Variants in PCGF5 observed in about 807,000 individuals in gnomAD.
The protein encoded by PCGF5 is polycomb group RING finger protein 5.
A neutral mutation model predicts 44.3 loss-of-function variants in PCGF5; 9 were observed. The ratio of observed to expected loss-of-function variants is 0.20; its 90% CI spans 0.12 to 0.35. The LOEUF (loss-of-function observed/expected upper bound fraction) is 0.35, where lower values mean the gene tolerates loss of function less well. Ranked by LOEUF, PCGF5 falls within the 10% of genes least tolerant of loss-of-function variation. PCGF5 has a pLI of 1.00. For missense variants in PCGF5, 146 were observed against 305.3 expected (o/e 0.48, Z 3.89); for synonymous variants, 95 against 102.5 (o/e 0.93, Z 0.44).
chr10:91,180,338 T>C (rs984342597), intron 1 of PCGF5, among the ~76,000 whole-genome samples: 1 of 152,216 alleles, frequency 6.6e-6, no homozygotes, highest in Non-Finnish European at 1.5e-5. Flanking sequence ...GTACAGAAGC[T>C]CTTTAGTTTA....
intron 9 of PCGF5, 71 bp from the exon 10 acceptor site, chr10:91,278,198 A>G: frequency 7.8e-7 from 1 of 1,283,838 alleles, no homozygotes; most frequent in African/African-American, 1.5e-5. Flanking sequence ...AATTCTTAAA[A>G]TCTTTCATAT....
intron 7 of PCGF5, 32 bp downstream of exon 7, chr10:91,261,456 T>C: frequency 7.2e-7 from 1 of 1,393,416 alleles, no homozygotes; most frequent in Non-Finnish European, 9.5e-7. Flanking sequence ...CTTGATCATT[T>C]TGATAATTCT....
At chr10:91,167,243 A>G (rs1183594087) in intron 1 of PCGF5, among the ~76,000 whole-genome samples, 1 of 152,224 alleles carries the variant, frequency 6.6e-6, no homozygotes, top group African/African-American at 2.4e-5. Flanking sequence ...CCTCTCATCC[A>G]GCTTACTATA....
chr10:91,167,926 G>C (rs1426241203), intron 1 of PCGF5, among the ~76,000 whole-genome samples: 1 of 152,220 alleles, frequency 6.6e-6, no homozygotes, highest in Non-Finnish European at 1.5e-5. Flanking sequence ...GCAATTGGAT[G>C]TAGGAGTTGA....
intron 1 of PCGF5, among the ~76,000 whole-genome samples, chr10:91,201,052 G>A (rs1844242390): frequency 6.6e-6 from 1 of 152,084 alleles, no homozygotes. Context: ...GGAGGTGATG[G>A]GGAAAGTTTT....
rs1301225682 is a variant in PCGF5 at position 91,280,850 on chromosome 10, T to C, written c.*2534T>C. 6.6e-6 allele frequency: 1 copy of C among 152,346 alleles called. No individual in the cohort carries two copies. Among genetic ancestry groups the C allele is most frequent in the East Asian group, 1.9e-4 (1 of 5,196 alleles). The allele number at this position is 152,346 out of a possible 1,614,324, so 9.4% of individuals were successfully genotyped here. A position where few individuals can be genotyped will look rare whatever the true frequency, so the allele number is the denominator to read the frequency against. On this transcript the variant is annotated 3_prime_UTR_variant, in exon 10 of 10. Coordinates refer to ENST00000336126, the MANE Select transcript of PCGF5 (RefSeq NM_032373.5). ...TAGCTTTATAAATTTAGGGTGCTTA[T>C]AAAATGATAAAATGAATTCTTTAAA...
intron 2 of PCGF5, among the ~76,000 whole-genome samples, chr10:91,234,876 A>G (rs897505497): frequency 5.3e-5 from 8 of 152,230 alleles, no homozygotes; most frequent in African/African-American, 1.9e-4. Context: ...GTCTGCCTCA[A>G]CATTATCTGG....
At chr10:91,194,637 G>A (rs964267689) in intron 1 of PCGF5, among the ~76,000 whole-genome samples, 3 of 152,180 alleles carry the variant, frequency 2.0e-5, no homozygotes, top group Non-Finnish European at 4.4e-5. Context: ...AATACACAGA[G>A]TAAGCAGTTG....
chr10:91,189,209 C>T (rs915842007), intron 1 of PCGF5, among the ~76,000 whole-genome samples: 1 of 152,182 alleles, frequency 6.6e-6, no homozygotes, highest in Non-Finnish European at 1.5e-5. Flanking sequence ...TCTTTTACAA[C>T]CCTGATTGAT....
upstream of PCGF5, among the ~76,000 whole-genome samples, chr10:91,162,786 G>T (rs1191997925): frequency 6.6e-6 from 1 of 151,020 alleles, no homozygotes; most frequent in Non-Finnish European, 1.5e-5. Flanking sequence ...CAGGGAGTGC[G>T]GGCTGTGCCC....
intron 1 of PCGF5, among the ~76,000 whole-genome samples, chr10:91,194,154 G>A (rs1844084679): frequency 6.6e-6 from 1 of 152,174 alleles, no homozygotes; most frequent in Admixed American, 6.5e-5. Flanking sequence ...CAGAATAATG[G>A]CCTCTAAAGA....
chr10:91,278,640 G>T lies in PCGF5; in HGVS notation c.*324G>T. The stretch of plus-strand genomic sequence containing the variant: ...TTGCCTGTTCCAAGATTGTTCTAAT[G>T]TTTAATTACACTAGTAAAATGGCTC... On this transcript the variant is annotated 3_prime_UTR_variant, in exon 10 of 10. Coordinates refer to ENST00000336126, the MANE Select transcript of PCGF5 (RefSeq NM_032373.5). 3.6e-6 allele frequency: 1 copy of T among 278,498 alleles called. No individual in the cohort carries two copies. 17.3% of individuals were successfully genotyped at this position (278,498 alleles called of 1,614,324 possible).
intron 5 of PCGF5, among the ~76,000 whole-genome samples, chr10:91,250,803 C>T (rs1244731123): frequency 2.0e-5 from 3 of 151,410 alleles, no homozygotes; most frequent in East Asian, 1.9e-4. Context: ...TCATTATACT[C>T]GTTTTTTTTC....
chr10:91,259,708 A>G (rs990091989), intron 6 of PCGF5, among the ~76,000 whole-genome samples: 1 of 152,216 alleles, frequency 6.6e-6, no homozygotes, highest in Non-Finnish European at 1.5e-5. Flanking sequence ...TGACAAAAAC[A>G]AGAAATGGGG....
At chr10:91,261,487 C>T in intron 7 of PCGF5, 63 bp downstream of exon 7, 1 of 1,334,652 alleles carries the variant, frequency 7.5e-7, no homozygotes, top group Middle Eastern at 2.7e-4. Context: ...AAAATTCTAA[C>T]AAAAGTGAAA....
At chr10:91,263,174 G>T (rs1264936516) in intron 7 of PCGF5, among the ~76,000 whole-genome samples, 1 of 152,178 alleles carries the variant, frequency 6.6e-6, no homozygotes, top group Non-Finnish European at 1.5e-5. Context: ...CCTGACAGCT[G>T]AAGCTTTTGT....
At chr10:91,201,859 T>C (rs1844257670) in intron 1 of PCGF5, among the ~76,000 whole-genome samples, 1 of 152,206 alleles carries the variant, frequency 6.6e-6, no homozygotes, top group Admixed American at 6.5e-5. Flanking sequence ...GATGAACATT[T>C]AGTTAAGGTT....
chr10:91,226,133 A>C (rs1015196459), intron 2 of PCGF5, among the ~76,000 whole-genome samples: 1 of 152,050 alleles, frequency 6.6e-6, no homozygotes, highest in Non-Finnish European at 1.5e-5. Flanking sequence ...GCTAGGTTTT[A>C]TGGAGACTCA....
chr10:91,255,954 T>C (rs1435076985), intron 6 of PCGF5, among the ~76,000 whole-genome samples: 2 of 152,106 alleles, frequency 1.3e-5, no homozygotes, highest in African/African-American at 4.8e-5. Flanking sequence ...ATGCAAATGC[T>C]ATGTAAGTAG....
Sources: allele counts gnomAD v4.1 joint callset (sites outside exome capture counted in the v4.1 genomes callset), GRCh38; gene constraint gnomAD v4.1.1; transcripts MANE v1.5; gene names NCBI Gene and HGNC (gene_info 2026-07-23, HGNC 2026-07-21).